GPC5: variants seen among roughly 807,000 people sequenced by gnomAD.
The protein encoded by GPC5 is glypican 5.
A neutral mutation model predicts 53.9 loss-of-function variants in GPC5; 47 were observed. That is an observed-to-expected ratio of 0.87 (90% CI 0.69 to 1.11). The LOEUF (loss-of-function observed/expected upper bound fraction) is 1.11. GPC5 is among the 50% of genes most tolerant of loss of function. GPC5 has a pLI of 0.00. For synonymous variants in GPC5, 286 were observed against 263.3 expected (o/e 1.09, Z -0.84); for missense variants, 748 against 713.1 (o/e 1.05, Z -0.56).
intron 7 of GPC5, among the ~76,000 whole-genome samples, chr13:92,422,198 C>T (rs1233415952): frequency 6.6e-6 from 1 of 151,816 alleles, no homozygotes; most frequent in Non-Finnish European, 1.5e-5. Context: ...TCAGAAGTTT[C>T]TGAAACTGAA....
At chr13:92,674,757 G>C (rs1886877653) in intron 7 of GPC5, among the ~76,000 whole-genome samples, 1 of 152,066 alleles carries the variant, frequency 6.6e-6, no homozygotes, top group African/African-American at 2.4e-5. Flanking sequence ...AAATAAATTA[G>C]AACTTAGAAA....
At chr13:91,463,565 T>A (rs941371370) in intron 2 of GPC5, among the ~76,000 whole-genome samples, 4 of 152,122 alleles carry the variant, frequency 2.6e-5, no homozygotes, top group Admixed American at 1.3e-4. Context: ...TATACAGCTA[T>A]AGTAATTAAA....
intron 6 of GPC5, among the ~76,000 whole-genome samples, chr13:92,119,801 A>G (rs2041633989): frequency 6.6e-6 from 1 of 150,792 alleles, no homozygotes. Flanking sequence ...TGAGTTTTTT[A>G]GTTTTGTGTC....
chr13:91,592,434 G>C (rs1332247622), intron 2 of GPC5, among the ~76,000 whole-genome samples: 2 of 152,184 alleles, frequency 1.3e-5, no homozygotes, highest in East Asian at 3.9e-4. Context: ...CTTTTGTGAG[G>C]TGTTCTGGGC....
At chr13:91,735,382 G>A (rs1335318591) in intron 4 of GPC5, among the ~76,000 whole-genome samples, 1 of 150,766 alleles carries the variant, frequency 6.6e-6, no homozygotes, top group East Asian at 1.9e-4. Flanking sequence ...CTCATTCTAA[G>A]TTCATGTAAT....
At chr13:91,521,340 A>T (rs1885805348) in intron 2 of GPC5, among the ~76,000 whole-genome samples, 1 of 152,212 alleles carries the variant, frequency 6.6e-6, no homozygotes, top group Admixed American at 6.5e-5. Context: ...TGTTGTAGGG[A>T]TTGAAGCTGA....
At chr13:92,250,836 G>C (rs1381870520) in intron 7 of GPC5, among the ~76,000 whole-genome samples, 1 of 151,918 alleles carries the variant, frequency 6.6e-6, no homozygotes, top group East Asian at 1.9e-4. Context: ...AGCCTGAGAA[G>C]CTTTATGATG....
intron 6 of GPC5, among the ~76,000 whole-genome samples, chr13:91,933,810 A>G (rs1266972451): frequency 1.2e-4 from 18 of 151,988 alleles, no homozygotes. Context: ...GACACTGTGT[A>G]TCATTTGATG....
chr13:92,193,789 AT>A (rs1443121891), intron 7 of GPC5, among the ~76,000 whole-genome samples: 1 of 152,188 alleles, frequency 6.6e-6, no homozygotes, highest in African/African-American at 2.4e-5. Flanking sequence ...TGTACACTAC[AT>A]TCTCTTTCAA....
intron 5 of GPC5, among the ~76,000 whole-genome samples, chr13:91,858,406 G>T (rs1004917726): frequency 6.6e-6 from 1 of 151,878 alleles, no homozygotes; most frequent in African/African-American, 2.4e-5. Flanking sequence ...TGCTTTTTTA[G>T]CACCAATTGA....
intron 3 of GPC5, among the ~76,000 whole-genome samples, chr13:91,712,816 C>T (rs749286519): frequency 2.3e-4 from 35 of 151,894 alleles, no homozygotes; most frequent in Middle Eastern, 3.4e-3. Context: ...TTTACTAATC[C>T]GCCATCTTAG....
At chr13:91,785,845 C>T (rs1245214575) in intron 5 of GPC5, among the ~76,000 whole-genome samples, 1 of 152,162 alleles carries the variant, frequency 6.6e-6, no homozygotes, top group Non-Finnish European at 1.5e-5. Flanking sequence ...TATCATCTCC[C>T]TCTGGGATTT....
intron 7 of GPC5, among the ~76,000 whole-genome samples, chr13:92,355,999 T>G (rs149413860): frequency 5.9e-5 from 9 of 151,950 alleles, no homozygotes; most frequent in Admixed American, 1.3e-4. Context: ...TTGACCCTCT[T>G]TCCCATCATC....
intron 7 of GPC5, among the ~76,000 whole-genome samples, chr13:92,606,394 A>G (rs1884261792): frequency 6.6e-6 from 1 of 152,120 alleles, no homozygotes; most frequent in Non-Finnish European, 1.5e-5. Flanking sequence ...AGCTTCATCC[A>G]TGTCCCTACA....
At chr13:91,711,466 C>T (rs758800959) in intron 3 of GPC5, among the ~76,000 whole-genome samples, 7 of 148,900 alleles carry the variant, frequency 4.7e-5, no homozygotes, top group Non-Finnish European at 8.9e-5. Context: ...GGGTGGGGGA[C>T]TGGGGGAGGG....
chr13:92,124,310 G>GAAA (rs1162997415), intron 6 of GPC5, among the ~76,000 whole-genome samples: 1 of 148,852 alleles, frequency 6.7e-6, no homozygotes, highest in African/African-American at 2.5e-5. Flanking sequence ...CTCCAACTAG[G>GAAA]AAAAATTACT....
At chr13:91,840,740 A>G (rs1237601672) in intron 5 of GPC5, among the ~76,000 whole-genome samples, 1 of 150,148 alleles carries the variant, frequency 6.7e-6, no homozygotes, top group South Asian at 2.1e-4. Flanking sequence ...ATAAGTTCCT[A>G]TTTTTATTTT....
At chr13:92,710,701 C>T (rs1888104873) in intron 7 of GPC5, among the ~76,000 whole-genome samples, 1 of 152,136 alleles carries the variant, frequency 6.6e-6, no homozygotes. Context: ...GCTAATTCAG[C>T]AAACCTATTG....
intron 7 of GPC5, chr13:92,509,745 G>A (rs979937282): frequency 1.3e-5 from 2 of 152,006 alleles, no homozygotes; most frequent in African/African-American, 2.4e-5. Context: ...AACAAACAAC[G>A]GCATACTCAC....
Sources: allele counts gnomAD v4.1 joint callset (sites outside exome capture counted in the v4.1 genomes callset), GRCh38; gene constraint gnomAD v4.1.1; transcripts MANE v1.5; gene names NCBI Gene and HGNC (gene_info 2026-07-23, HGNC 2026-07-21).